PTGR1: variants seen among roughly 807,000 people sequenced by gnomAD.
The protein encoded by PTGR1 is prostaglandin reductase 1.
Under a neutral mutation model 37.7 loss-of-function variants are expected in PTGR1, and 23 were observed. The ratio of observed to expected loss-of-function variants is 0.61; its 90% CI spans 0.44 to 0.86. The LOEUF is 0.86. PTGR1 is among the 40% of genes least tolerant of loss of function. The pLI, the probability that PTGR1 is intolerant of heterozygous loss-of-function variation, is 0.00. For missense variants in PTGR1, 351 were observed against 394.3 expected (o/e 0.89, Z 0.93); for synonymous variants, 134 against 140.0 (o/e 0.96, Z 0.30).
intron 5 of PTGR1, among the ~76,000 whole-genome samples, 184 bp downstream of exon 5, chr9:111,585,814 T>C (rs1057160035): frequency 2.6e-5 from 4 of 152,254 alleles, no homozygotes; most frequent in African/African-American, 9.6e-5. Context: ...ACGTTTTCTT[T>C]ATCCATTCAC....
chr9:111,583,436 T>C, intron 6 of PTGR1, 36 bp downstream of exon 6: 1 of 1,523,452 alleles, frequency 6.6e-7, no homozygotes, highest in Non-Finnish European at 9.1e-7. Context: ...CCAATGGGTT[T>C]TGAATAAAGG....
chr9:111,563,116 C>CT lies in PTGR1; in HGVS notation c.*4dup. 6.2e-7 allele frequency: 1 copy of CT among 1,612,380 alleles called. No individual in the cohort carries two copies. The highest frequency in any genetic ancestry group is 8.5e-7 in the Non-Finnish European group (1 of 1,179,624). ...ATGGCCTCCAGATTCCATGTGTCCT[C>CT]TTTTTCATGCTTTCACTATTGTCTT... On this transcript the variant is annotated 3_prime_UTR_variant, in exon 10 of 10. Transcript: ENST00000407693.
rs537667291 is a variant in PTGR1, at chr9:111,554,979, C to G, written c.880-5180G>C. Among the ~76,000 whole-genome samples, 13 of 152,224 alleles carry G rather than the reference C, an allele frequency of 8.5e-5. No individual in the cohort carries two copies. In the South Asian group the frequency reaches 1.7e-3, roughly 19 times the overall value. The stretch of plus-strand genomic sequence containing the variant: ...TTTTTCTTTGAGAAGTGTAATTTCT[C>G]CAGAGGTCTGCTCTTTAATTTCCCC... On this transcript the variant is annotated intron_variant, in intron 9 of 9. Coordinates refer to the PTGR1 transcript ENST00000538962.
At chr9:111,576,157 G>T (rs1829044652) in intron 7 of PTGR1, among the ~76,000 whole-genome samples, 1 of 149,652 alleles carries the variant, frequency 6.7e-6, no homozygotes, top group Non-Finnish European at 1.5e-5. Flanking sequence ...AGACTGGTGA[G>T]ACTGAGTCTC....
chr9:111,580,484 G>T (rs974223834), intron 6 of PTGR1, among the ~76,000 whole-genome samples: 1 of 152,042 alleles, frequency 6.6e-6, no homozygotes. Flanking sequence ...GGCCAGGCGC[G>T]GTGGCTCACG....
At chr9:111,554,298 C>G (rs1190621702) in intron 9 of PTGR1, among the ~76,000 whole-genome samples, 1 of 150,606 alleles carries the variant, frequency 6.6e-6, no homozygotes, top group Non-Finnish European at 1.5e-5. Flanking sequence ...AAGTCAACCT[C>G]TGTCTTAGAA....
chr9:111,569,040 G>A (rs1318250422), intron 9 of PTGR1, among the ~76,000 whole-genome samples: 1 of 152,220 alleles, frequency 6.6e-6, no homozygotes, highest in Non-Finnish European at 1.5e-5. Context: ...AACTGAGATA[G>A]TAAAGTCTGA....
intron 9 of PTGR1, chr9:111,564,053 A>G (rs1828436407): frequency 5.7e-6 from 1 of 174,810 alleles, no homozygotes. Flanking sequence ...GTTAGTGAGA[A>G]AGGGTCTTCA....
chr9:111,576,967 T>TC (rs1829084810), intron 7 of PTGR1: 1 of 152,220 alleles, frequency 6.6e-6, no homozygotes, highest in Non-Finnish European at 1.5e-5. Context: ...GGTGCATGCC[T>TC]GTAATCCCAG....
Position 111,574,757 on chromosome 9 carries a change from T to C in PTGR1, c.737A>G (p.Asn246Ser), listed in dbSNP as rs1243531566. Reference protein sequence around the residue: ...IAICGAISTYNRTGPLPPGPP... With the variant: ...IAICGAISTYSRTGPLPPGPP... ...ACCTGGGGGAAGTGGGCCGGTTCTGTTATATGTAGAGATGGCTCCACATAT... is the reference window on the plus strand; with the variant it reads ...ACCTGGGGGAAGTGGGCCGGTTCTGCTATATGTAGAGATGGCTCCACATAT... Residue 246 changes from asparagine (N) to serine (S), a missense_variant, in exon 8 of 10, where the codon AAC becomes AGC. By Grantham distance (46) the Asn-to-Ser change is conservative (BLOSUM62 1). Coordinates refer to ENST00000407693, the MANE Select transcript of PTGR1 (RefSeq NM_001146108.2). The C allele has an allele frequency of 6.8e-6, 11 of 1,613,712 alleles. No individual in the cohort carries two copies. The highest frequency in any genetic ancestry group is 2.2e-5 in the East Asian group (1 of 44,876).
intron 4 of PTGR1, among the ~76,000 whole-genome samples, chr9:111,591,148 G>A (rs191446829): frequency 1.1e-4 from 16 of 151,598 alleles, no homozygotes; most frequent in African/African-American, 3.4e-4. Context: ...AAAATTAGCC[G>A]GGTGCGGTGG....
At chr9:111,568,826 G>A (rs1301604423) in intron 9 of PTGR1, among the ~76,000 whole-genome samples, 2 of 152,168 alleles carry the variant, frequency 1.3e-5, no homozygotes, top group Non-Finnish European at 2.9e-5. Flanking sequence ...AGGTTCCCCC[G>A]ATACACTACA....
At chr9:111,576,226 A>T (rs1829047977) in intron 7 of PTGR1, 2 of 792,166 alleles carry the variant, frequency 2.5e-6, no homozygotes, top group Admixed American at 2.8e-5. Context: ...TTCACTGAAT[A>T]GGAAAAAATA....
chr9:111,572,285 T>A (rs918573802), intron 8 of PTGR1, among the ~76,000 whole-genome samples: 6 of 152,200 alleles, frequency 3.9e-5, no homozygotes, highest in Non-Finnish European at 7.3e-5. Flanking sequence ...GGATTGGAAC[T>A]CTCATTTCCT....
rs563524731 is a variant in PTGR1 at position 111,578,895 on chromosome 9, C to G, written c.552G>C (p.Lys184Asn). The change falls in exon 7 of 10, where the codon AAG (lysine) becomes AAC (asparagine). Residue 184 changes from lysine to asparagine, a missense_variant. By Grantham distance (94) the Lys-to-Asn change is moderately conservative (BLOSUM62 0). Coordinates refer to ENST00000407693, the MANE Select transcript of PTGR1 (RefSeq NM_001146108.2). ...AGTTAAAGACGACATCAAATCCAAG[C>G]TTTTGAAGGTAGGCAACCTTTTCAT... ...GSDEKVAYLQ[K>N]LGFDVVFNYK... is the part of the protein sequence containing the mutation. 6.8e-6 allele frequency: 11 copies of G among 1,612,546 alleles called. No homozygotes were observed. In the South Asian group the frequency reaches 9.9e-5, roughly 14 times the overall value.
chr9:111,569,984 T>C (rs1205969459), intron 9 of PTGR1, 107 bp downstream of exon 9: 2 of 1,544,246 alleles, frequency 1.3e-6, no homozygotes, highest in African/African-American at 2.7e-5. Context: ...AGGGAAAAAC[T>C]GACGATGCGG....
At chr9:111,575,126 T>C (rs4979006) in intron 7 of PTGR1, among the ~76,000 whole-genome samples, 115,250 of 151,956 alleles carry the variant, frequency 0.76, 45,045 homozygotes, top group African/African-American at 0.94. Flanking sequence ...CATGGTAAAA[T>C]CCTGTCTCTA....
intron 9 of PTGR1, among the ~76,000 whole-genome samples, chr9:111,551,772 C>A (rs1186659939): frequency 1.3e-5 from 2 of 152,078 alleles, no homozygotes; most frequent in Non-Finnish European, 2.9e-5. Context: ...AATATCTAGG[C>A]AAAATTATAT....
intron 5 of PTGR1, 79 bp downstream of exon 5, chr9:111,585,919 G>A (rs1413615901): frequency 4.6e-6 from 7 of 1,527,762 alleles, no homozygotes; most frequent in South Asian, 3.6e-5. Context: ...TCTTCCTGTT[G>A]ACCAAGTTCT....
Sources: allele counts gnomAD v4.1 joint callset (sites outside exome capture counted in the v4.1 genomes callset), GRCh38; gene constraint gnomAD v4.1.1; transcripts MANE v1.5; gene names NCBI Gene and HGNC (gene_info 2026-07-23, HGNC 2026-07-21).